The following SNX29 variants were observed in gnomAD, a reference collection of about 807,000 sequenced individuals.
SNX29 encodes the protein sorting nexin-29.
SNX29 carries 78 observed loss-of-function variants against 102.1 expected under a neutral mutation model. That is an observed-to-expected ratio of 0.76 (90% confidence interval 0.64 to 0.92). SNX29 has a LOEUF of 0.92. Among genes scored for constraint, SNX29 ranks in the 40% least tolerant of loss-of-function variants. SNX29 has a pLI of 0.00. For missense variants in SNX29, 1,280 were observed against 1,061.7 expected (o/e 1.21, Z -2.86); for synonymous variants, 580 against 414.5 (o/e 1.40, Z -4.85).
chr16:12,525,794 G>A (rs180872492), intron 20 of SNX29, among the ~76,000 whole-genome samples: 30 of 147,778 alleles, frequency 2.0e-4, no homozygotes, highest in Middle Eastern at 3.4e-3. Flanking sequence ...ATCTTGGCTC[G>A]AAATGTCATG....
intron 20 of SNX29, among the ~76,000 whole-genome samples, chr16:12,532,132 A>G (rs114088996): frequency 0.017 from 2,574 of 152,306 alleles, 77 homozygotes; most frequent in African/African-American, 0.058. Context: ...ATTGCCTTGC[A>G]CTGATGCCAT....
intron 13 of SNX29, among the ~76,000 whole-genome samples, chr16:12,195,295 CAATT>C (rs2141933975): frequency 6.6e-6 from 1 of 152,346 alleles, no homozygotes; most frequent in African/African-American, 2.4e-5. Context: ...CATTATCAGA[CAATT>C]AATTTGCAGC....
intron 18 of SNX29, among the ~76,000 whole-genome samples, chr16:12,437,537 AGGGGCAGAAT>A (rs2085592526): frequency 6.6e-6 from 1 of 152,214 alleles, no homozygotes; most frequent in Admixed American, 6.5e-5. Flanking sequence ...AAGTACATCA[AGGGGCAGAAT>A]GGGGCTGGCA....
intron 13 of SNX29, among the ~76,000 whole-genome samples, chr16:12,183,857 C>T (rs562279861): frequency 1.6e-4 from 25 of 152,312 alleles, no homozygotes; most frequent in African/African-American, 5.8e-4. Context: ...AGAGTGACCT[C>T]TAGTCATCAT....
chr16:12,110,829 A>T (rs11075050), intron 11 of SNX29, among the ~76,000 whole-genome samples: 29,414 of 148,094 alleles, frequency 0.2, 3,243 homozygotes, highest in Middle Eastern at 0.27. Context: ...TTCTTTTTTA[A>T]TTTTTTTTTT....
chr16:12,119,850 C>A (rs2053898030), intron 11 of SNX29, among the ~76,000 whole-genome samples: 1 of 152,244 alleles, frequency 6.6e-6, no homozygotes, highest in South Asian at 2.1e-4. Context: ...CAAGTGTAAT[C>A]ATGCTTGCTT....
intron 20 of SNX29, among the ~76,000 whole-genome samples, chr16:12,555,165 C>T (rs559073427): frequency 5.9e-5 from 9 of 151,808 alleles, no homozygotes; most frequent in Non-Finnish European, 1.3e-4. Flanking sequence ...CAGGGTCTGG[C>T]ATCAGTGGGG....
chr16:12,333,910 C>G (rs2081368121), intron 15 of SNX29, among the ~76,000 whole-genome samples: 1 of 152,148 alleles, frequency 6.6e-6, no homozygotes, highest in Admixed American at 6.5e-5. Flanking sequence ...CAGATGCATC[C>G]CGCGTTTCCG....
At chr16:12,052,329 G>T (rs1184395413) in intron 8 of SNX29, 107 bp downstream of exon 8, 4 of 1,295,400 alleles carry the variant, frequency 3.1e-6, no homozygotes, top group Non-Finnish European at 4.3e-6. Flanking sequence ...CTATTCTCCT[G>T]CCTCAGCCTC....
intron 20 of SNX29, among the ~76,000 whole-genome samples, chr16:12,563,803 C>CCA (rs2078867080): frequency 1.3e-5 from 2 of 152,222 alleles, no homozygotes; most frequent in African/African-American, 4.8e-5. Flanking sequence ...CAACACCCAC[C>CCA]CATTTGCTGC....
intron 13 of SNX29, among the ~76,000 whole-genome samples, chr16:12,190,450 G>C (rs144444576): frequency 6.6e-6 from 1 of 152,166 alleles, no homozygotes; most frequent in East Asian, 1.9e-4. Flanking sequence ...TCTAGAATAC[G>C]CTGGGGGCAG....
At chr16:12,267,244 G>T (rs1283555813) in intron 14 of SNX29, among the ~76,000 whole-genome samples, 1 of 109,910 alleles carries the variant, frequency 9.1e-6, no homozygotes, top group Non-Finnish European at 1.9e-5. Flanking sequence ...GCATGGGTGC[G>T]AGTGTGTGTG....
chr16:12,172,359 G>A (rs2076168016), intron 13 of SNX29, among the ~76,000 whole-genome samples: 1 of 152,132 alleles, frequency 6.6e-6, no homozygotes, highest in Non-Finnish European at 1.5e-5. Flanking sequence ...GCTGAGATCT[G>A]TCATTTTACT....
chr16:12,539,067 T>C (rs2077206578), intron 20 of SNX29, among the ~76,000 whole-genome samples: 1 of 152,226 alleles, frequency 6.6e-6, no homozygotes, highest in Non-Finnish European at 1.5e-5. Context: ...TATTCTGGGA[T>C]AGGGCCAAGT....
chr16:12,338,533 A>G (rs2081520616), intron 15 of SNX29, among the ~76,000 whole-genome samples: 1 of 152,192 alleles, frequency 6.6e-6, no homozygotes, highest in African/African-American at 2.4e-5. Flanking sequence ...GCTTCAGGAA[A>G]TCTGTATCAT....
At chr16:12,416,359 G>A (rs962753088) in intron 18 of SNX29, among the ~76,000 whole-genome samples, 2 of 152,178 alleles carry the variant, frequency 1.3e-5, no homozygotes, top group African/African-American at 4.8e-5. Context: ...GATCTGTTGC[G>A]CAGCAGGGTG....
At chr16:12,028,168 A>G (rs763456959) in intron 4 of SNX29, among the ~76,000 whole-genome samples, 5 of 152,130 alleles carry the variant, frequency 3.3e-5, no homozygotes, top group Non-Finnish European at 4.4e-5. Context: ...TCTTATCACT[A>G]TGTCAGTGTC....
intron 14 of SNX29, among the ~76,000 whole-genome samples, chr16:12,208,477 C>G (rs544484334): frequency 6.6e-6 from 1 of 152,344 alleles, no homozygotes; most frequent in African/African-American, 2.4e-5. Context: ...AATGTGCTAG[C>G]AACATGTCTC....
chr16:12,478,665 G>A (rs563589559), intron 19 of SNX29, among the ~76,000 whole-genome samples: 1 of 152,312 alleles, frequency 6.6e-6, no homozygotes, highest in African/African-American at 2.4e-5. Context: ...GTCAGCTTCA[G>A]CCAGGCGGCA....
Sources: gnomAD v4.1 joint callset for allele counts (sites outside exome capture counted in the v4.1 genomes callset) on GRCh38, gnomAD v4.1.1 for gene constraint, MANE v1.5 for transcripts, NCBI Gene and HGNC (gene_info 2026-07-23, HGNC 2026-07-21) for gene names.